The following CLNK variants were observed in gnomAD, a reference collection of about 807,000 sequenced individuals.
The protein encoded by CLNK is cytokine-dependent hematopoietic cell linker.
CLNK carries 74 observed loss-of-function variants against 68.6 expected under a neutral mutation model. The observed-to-expected ratio is 1.08, with a 90% CI of 0.89 to 1.31. The LOEUF is 1.31. Ranked by LOEUF, CLNK falls within the 50% of genes most tolerant of loss-of-function variation. The probability of loss-of-function intolerance (pLI) is 0.00; values close to 1 mark genes in which losing one functional copy is unlikely to be tolerated. For missense variants in CLNK, 553 were observed against 515.3 expected (o/e 1.07, Z -0.71); for synonymous variants, 198 against 172.2 (o/e 1.15, Z -1.17).
intron 2 of CLNK, among the ~76,000 whole-genome samples, chr4:10,638,627 T>C (rs1053572253): frequency 3.9e-5 from 6 of 152,216 alleles, no homozygotes; most frequent in Admixed American, 2.0e-4. Context: ...TTACTATGAT[T>C]GTCATTCCTT....
intron 1 of CLNK, among the ~76,000 whole-genome samples, chr4:10,676,389 A>ATTT (rs1553866164): frequency 1.3e-5 from 1 of 74,806 alleles, no homozygotes; most frequent in Non-Finnish European, 2.8e-5. Context: ...GTTATTATAG[A>ATTT]TTTCTTTTTT....
In CLNK at chr4:10,536,580, A is replaced by G. The variant is rs1037136876; in HGVS notation, c.602+3914T>C. Among the ~76,000 whole-genome samples, 4 of 152,108 alleles carry G rather than the reference A, an allele frequency of 2.6e-5. No individual in the cohort carries two copies. In the East Asian group the frequency reaches 7.7e-4, roughly 29 times the overall value. ...TACCTAACTTCTCTGAAGCGTGGTG[A>G]CCTTAGGTGCCCAGTGAGTATGGAA... is the stretch of plus-strand genomic sequence containing the variant. On this transcript the variant is annotated intron_variant, in intron 11 of 18. Coordinates refer to ENST00000226951, the MANE Select transcript of CLNK (RefSeq NM_052964.4).
chr4:10,608,348 C>G (rs1488440241), intron 2 of CLNK, among the ~76,000 whole-genome samples: 3 of 152,332 alleles, frequency 2.0e-5, no homozygotes, highest in Admixed American at 1.3e-4. Context: ...CATTCCCTCT[C>G]TTCTCCTCCT....
upstream of CLNK, among the ~76,000 whole-genome samples, chr4:10,688,145 G>C (rs987306828): frequency 6.6e-6 from 1 of 152,162 alleles, no homozygotes; most frequent in Non-Finnish European, 1.5e-5. Context: ...AGCCCGCTTG[G>C]CTTTTGTTGG....
At chr4:10,717,020 G>GAA in the CLNK span, among the ~76,000 whole-genome samples, 64 of 145,794 alleles carry the variant, frequency 4.4e-4, no homozygotes, top group East Asian at 1.6e-3. Context: ...AAACGCCACA[G>GAA]AAAAAAAAAA....
At chr4:10,551,431 ATT>A (rs71181045) in intron 8 of CLNK, among the ~76,000 whole-genome samples, 1 of 149,270 alleles carries the variant, frequency 6.7e-6, no homozygotes, top group African/African-American at 2.5e-5. Flanking sequence ...ATATATATAT[ATT>A]TTTTTTTAGT....
chr4:10,567,116 C>T (rs552041953), intron 5 of CLNK, among the ~76,000 whole-genome samples: 1 of 96,076 alleles, frequency 1.0e-5, no homozygotes, highest in African/African-American at 3.9e-5. Flanking sequence ...CCAAGAATAG[C>T]CAAAACAATC....
the CLNK span, among the ~76,000 whole-genome samples, chr4:10,702,696 A>AATTCT: frequency 1.3e-5 from 2 of 152,308 alleles, no homozygotes; most frequent in Admixed American, 1.3e-4. Context: ...CTTGGATAGG[A>AATTCT]GTCTGGAATT....
At chr4:10,593,999 C>G (rs529378788) in intron 3 of CLNK, among the ~76,000 whole-genome samples, 7 of 152,180 alleles carry the variant, frequency 4.6e-5, no homozygotes, top group Admixed American at 2.6e-4. Flanking sequence ...CTTCAGCTCC[C>G]TGGTTGATCC....
Position 10,566,028 on chromosome 4 carries a change from T to C in CLNK, c.273A>G (p.Ile91Met). 6.2e-7 allele frequency: 1 copy of C among 1,613,848 alleles called. No individual in the cohort carries two copies. Among genetic ancestry groups the C allele is most frequent in the Non-Finnish European group, 8.5e-7 (1 of 1,179,794 alleles). The part of the protein sequence containing the change: ...QSIKILPARP[I>M]KESEYADTHY... ...CGTTACCTGCATATTCAGATTCCTT[T>C]ATAGGCCGGGCTGGTAAAATTTTAA... Residue 91 changes from isoleucine (I) to methionine (M), a missense_variant, in exon 6 of 19, where the codon ATA (isoleucine) becomes ATG (methionine). By Grantham distance (10) the Ile-to-Met change is conservative. Transcript: ENST00000226951.
intron 3 of CLNK, among the ~76,000 whole-genome samples, chr4:10,585,971 G>T (rs1040110011): frequency 6.6e-6 from 1 of 152,150 alleles, no homozygotes; most frequent in Admixed American, 6.5e-5. Context: ...ATGAAGGGAA[G>T]AAATTGTTCT....
intron 3 of CLNK, among the ~76,000 whole-genome samples, chr4:10,591,429 T>A (rs188037882): frequency 1.1e-4 from 17 of 152,248 alleles, no homozygotes; most frequent in African/African-American, 3.9e-4. Context: ...ACCCTGAACC[T>A]CTAGCTCCTA....
intron 2 of CLNK, among the ~76,000 whole-genome samples, chr4:10,658,127 C>G (rs1410434798): frequency 6.6e-6 from 1 of 152,172 alleles, no homozygotes; most frequent in Non-Finnish European, 1.5e-5. Flanking sequence ...AGGATTTGCT[C>G]CAAGTAGAAT....
chr4:10,667,753 A>G, intron 2 of CLNK, 106 bp downstream of exon 2: 3 of 1,066,650 alleles, frequency 2.8e-6, no homozygotes, highest in East Asian at 5.4e-5. Flanking sequence ...TCCCTTTTCC[A>G]TGGGCGGCCA....
At chr4:10,713,659 A>T in the CLNK span, among the ~76,000 whole-genome samples, 2 of 152,078 alleles carry the variant, frequency 1.3e-5, no homozygotes, top group African/African-American at 4.8e-5. Flanking sequence ...GGATCCTGGA[A>T]ATGGATCCCT....
chr4:10,515,677 A>G (rs1347801183), intron 15 of CLNK, among the ~76,000 whole-genome samples: 1 of 152,234 alleles, frequency 6.6e-6, no homozygotes, highest in Non-Finnish European at 1.5e-5. Flanking sequence ...GGAATCTTGT[A>G]TCTGCCACTG....
intron 2 of CLNK, among the ~76,000 whole-genome samples, chr4:10,653,696 G>T (rs1215837422): frequency 1.3e-5 from 2 of 151,974 alleles, no homozygotes; most frequent in East Asian, 1.9e-4. Flanking sequence ...ATAATAAAAA[G>T]AAGTTACTCG....
intron 4 of CLNK, among the ~76,000 whole-genome samples, chr4:10,574,415 A>G (rs149233284): frequency 0.01 from 1,535 of 152,180 alleles, 36 homozygotes; most frequent in African/African-American, 0.036. Flanking sequence ...AGAATCTCCC[A>G]TTCTCCATGT....
At chr4:10,541,042 C>T (rs573193706) in intron 10 of CLNK, among the ~76,000 whole-genome samples, 3 of 151,906 alleles carry the variant, frequency 2.0e-5, no homozygotes, top group Non-Finnish European at 2.9e-5. Flanking sequence ...TGGTAAACCC[C>T]GTTTCTACTA....
Sources: allele counts gnomAD v4.1 joint callset (sites outside exome capture counted in the v4.1 genomes callset), GRCh38; gene constraint gnomAD v4.1.1; transcripts MANE v1.5; gene names NCBI Gene and HGNC (gene_info 2026-07-23, HGNC 2026-07-21).